The following ALS2CL variants were observed in gnomAD, a reference collection of about 807,000 sequenced individuals.
ALS2CL encodes ALS2 C-terminal-like protein.
Under a neutral mutation model 127.9 loss-of-function variants are expected in ALS2CL, and 112 were observed. The observed-to-expected ratio is 0.88, with a 90% CI of 0.75 to 1.02. The LOEUF is 1.02. Ranked by LOEUF, ALS2CL falls within the 50% of genes least tolerant of loss-of-function variation. ALS2CL has a pLI of 0.00. For missense variants in ALS2CL, 1,174 were observed against 1,236.7 expected (o/e 0.95, Z 0.76); for synonymous variants, 519 against 527.6 (o/e 0.98, Z 0.22).
At chr3:46,675,548 G>A (rs1388082541) in intron 20 of ALS2CL, 70 bp downstream of exon 20, 1 of 1,438,156 alleles carries the variant, frequency 7.0e-7, no homozygotes, top group Non-Finnish European at 9.7e-7. Flanking sequence ...TTCCCCAAGG[G>A]AGGTCCTAGG....
Position 46,683,284 on chromosome 3 carries a change from G to A in ALS2CL, c.955C>T (p.Leu319=). The A allele has an allele frequency of 6.2e-7, 1 of 1,603,650 alleles. No individual in the cohort carries two copies. Among genetic ancestry groups the A allele is most frequent in the Non-Finnish European group, 8.5e-7 (1 of 1,175,010 alleles). ...WKVTWAVHQA[L]HGKKDFPVLG... is the part of the protein sequence containing the mutation. ...ACGGGGAAGTCCTTCTTCCCATGCA[G>A]GGCCTGGTGAACAGCCCAGGTCACC... The change falls in exon 10 of 26, where the codon CTG becomes TTG. Residue 319 remains leucine, a synonymous_variant. Transcript: ENST00000318962.
At position 46,687,648 on chromosome 3, in the gene ALS2CL, C is replaced by G. The variant is rs747559028; in HGVS notation, c.339G>C (p.Gln113His). The change falls in exon 4 of 26, where the codon CAG becomes CAC. Residue 113 changes from glutamine to histidine, a missense_variant. Physicochemically the swap from Gln to His is conservative, Grantham distance 24 (BLOSUM62 0). Coordinates refer to ENST00000318962, the MANE Select transcript of ALS2CL (RefSeq NM_147129.5). ...TCCTCTTTGCTGCCTTCTGGAAGGC[C>G]TGCACCACCATGCAGCTTGTGTAGG... The part of the protein sequence containing the change: ...IESYTSCMVV[Q>H]AFQKAAKRRS... 1 of 1,613,392 alleles carries G rather than the reference C, an allele frequency of 6.2e-7. No homozygotes were observed.
chr3:46,683,174 C>G lies in ALS2CL; in HGVS notation c.1065G>C (p.Gln355His). Residue 355 changes from glutamine to histidine, a missense_variant, in exon 10 of 26, where the codon CAG becomes CAC. Transcript: ENST00000318962. Reference protein sequence around the residue: ...YTFQAEGRLCQATYEGEWCRG... With the variant: ...YTFQAEGRLCHATYEGEWCRG... ...TGCACCACTCGCCCTCGTAGGTGGC[C>G]TGGCAGAGCCGGCCCTCTGCCTGGA... 1.2e-6 allele frequency: 2 copies of G among 1,603,986 alleles called. No homozygotes were observed. The highest frequency in any genetic ancestry group is 1.7e-6 in the Non-Finnish European group (2 of 1,174,884).
Position 46,682,089 on chromosome 3 carries a change from G to T in ALS2CL, c.1115C>A (p.Thr372Asn), listed in dbSNP as rs1179555406. The T allele has an allele frequency of 6.2e-7, 1 of 1,613,900 alleles. No individual in the cohort carries two copies. The stretch of plus-strand genomic sequence containing the variant: ...ATTCCGCCCATCCGGCCATTTCAGG[G>T]TTCCCCTGGAACACAGTGGAGGTTC... ...WCRGRPHGKG[T>N]LKWPDGRNHV... The change falls in exon 11 of 26, where the codon ACC (threonine) becomes AAC (asparagine). Residue 372 changes from threonine to asparagine, a missense_variant. By Grantham distance (65) the Thr-to-Asn change is moderately conservative. Coordinates refer to ENST00000318962, the MANE Select transcript of ALS2CL (RefSeq NM_147129.5).
chr3:46,687,910 C>T (rs930554006), intron 3 of ALS2CL, among the ~76,000 whole-genome samples, 188 bp downstream of exon 3: 19 of 152,210 alleles, frequency 1.2e-4, no homozygotes, highest in African/African-American at 4.6e-4. Flanking sequence ...TCTGGAGTGT[C>T]TGAGCCTGCT....
In ALS2CL at chr3:46,686,963, C is replaced by T; in HGVS notation, c.534+20G>A. 1 of 1,568,656 alleles carries T rather than the reference C, an allele frequency of 6.4e-7. No homozygotes were observed. Among genetic ancestry groups the T allele is most frequent in the Non-Finnish European group, 8.6e-7 (1 of 1,161,282 alleles). The stretch of plus-strand genomic sequence containing the variant: ...TCCCTTCCCTCGGCTTCCCCACATG[C>T]TGCTGCCCCTGGTACCCACCTCCCC... On this transcript the variant is annotated intron_variant, in intron 5 of 25. Transcript: ENST00000318962. The surrounding 1 kb of genome is among the most constrained non-coding windows in gnomAD (Gnocchi z 4.3).
In ALS2CL at chr3:46,681,683, G is replaced by T. The variant is rs1183160546; in HGVS notation, c.1176-85C>A. The T allele has an allele frequency of 2.2e-6, 3 of 1,367,814 alleles. No homozygotes were observed. Among genetic ancestry groups the T allele is most frequent in the Non-Finnish European group, 3.1e-6 (3 of 973,118 alleles). The allele number at this position is 1,367,814 out of a possible 1,614,324, so 84.7% of individuals were successfully genotyped here. ...CTCCATGCCACCCAGGAGTATCCCT[G>T]CCCCCAAGGAGCCTTCCAGACAACA... On this transcript the variant is annotated intron_variant, in intron 11 of 25. Coordinates refer to ENST00000318962, the MANE Select transcript of ALS2CL (RefSeq NM_147129.5). The surrounding 1 kb of genome is among the most constrained non-coding windows in gnomAD (Gnocchi z 4.9).
chr3:46,683,250 GC>G lies in ALS2CL; in HGVS notation c.988del (p.Ala330LeufsTer44), dbSNP rs746210461. The G allele has an allele frequency of 6.2e-7, 1 of 1,611,124 alleles. No homozygotes were observed. Among genetic ancestry groups the G allele is most frequent in the South Asian group, 1.1e-5 (1 of 90,626 alleles). On this transcript the variant is annotated frameshift_variant, in exon 10 of 26. Transcript: ENST00000318962. LOFTEE classifies it high-confidence loss of function. ...GGGAGGCTGGGAGGGCTCCAGGCCAGCCCCCAGCACGGGGAAGTCCTTCTTC... is the reference window on the plus strand; with the variant it reads ...GGGAGGCTGGGAGGGCTCCAGGCCAGCCCCAGCACGGGGAAGTCCTTCTTC... ...HGKKDFPVLG[A>X]GLEPSQPPDC...
At chr3:46,674,510 A>C in intron 21 of ALS2CL, 56 bp downstream of exon 21, 2 of 1,569,580 alleles carry the variant, frequency 1.3e-6, no homozygotes, top group Non-Finnish European at 1.7e-6. Context: ...GGCTGAAGAC[A>C]GTCTGAGTCG....
rs1016780700 is a variant in ALS2CL at position 46,669,438 on chromosome 3, G to C, written c.*1546C>G. 4 of 152,304 alleles carry C rather than the reference G, an allele frequency of 2.6e-5. No individual in the cohort carries two copies. The highest frequency in any genetic ancestry group is 5.9e-5 in the Non-Finnish European group (4 of 68,104). 9.4% of individuals were successfully genotyped at this position (152,304 alleles called of 1,614,324 possible). On this transcript the variant is annotated 3_prime_UTR_variant, in exon 26 of 26. Coordinates refer to ENST00000318962, the MANE Select transcript of ALS2CL (RefSeq NM_147129.5). ...CAAAGGAGGCAGGGAAGTGTGCTGGGGTCCCGTCAGCATCGCATGAACTCA... is the reference window on the plus strand; with the variant it reads ...CAAAGGAGGCAGGGAAGTGTGCTGGCGTCCCGTCAGCATCGCATGAACTCA...
chr3:46,681,977 G>T lies in ALS2CL; in HGVS notation c.1175+52C>A, dbSNP rs1193762115. On this transcript the variant is annotated intron_variant, in intron 11 of 25. Coordinates refer to ENST00000318962, the MANE Select transcript of ALS2CL (RefSeq NM_147129.5). The surrounding 1 kb of genome is among the most constrained non-coding windows in gnomAD (Gnocchi z 4.9). ...CTGGTGACCACAGCAGGGGAGGAAAGCACCCTTCAGCCCACTGCACGCCTC... is the reference window on the plus strand; with the variant it reads ...CTGGTGACCACAGCAGGGGAGGAAATCACCCTTCAGCCCACTGCACGCCTC... 8 of 1,593,338 alleles carry T rather than the reference G, an allele frequency of 5.0e-6. No homozygotes were observed. Among genetic ancestry groups the T allele is most frequent in the Middle Eastern group, 1.6e-4 (1 of 6,062 alleles).
chr3:46,670,234 TC>T lies in ALS2CL; in HGVS notation c.*749del. 1 of 152,162 alleles carries T rather than the reference TC, an allele frequency of 6.6e-6. No individual in the cohort carries two copies. Among genetic ancestry groups the T allele is most frequent in the African/African-American group, 2.4e-5 (1 of 41,480 alleles). 9.4% of individuals were successfully genotyped at this position (152,162 alleles called of 1,614,324 possible). A position where few individuals can be genotyped will look rare whatever the true frequency, so the allele number is the denominator to read the frequency against. ...TAGAACCACTGTTTAAATAAAGTCC[TC>T]CCCTCCCAAAGGTACTCCTGCTCCC... On this transcript the variant is annotated 3_prime_UTR_variant, in exon 26 of 26. Coordinates refer to ENST00000318962, the MANE Select transcript of ALS2CL (RefSeq NM_147129.5). This position sits in a 1 kb window ranked among gnomAD's most constrained non-coding sequence, Gnocchi z 5.5.
At chr3:46,675,406 A>G (rs1698732132) in intron 20 of ALS2CL, 2 of 568,774 alleles carry the variant, frequency 3.5e-6, no homozygotes. Flanking sequence ...GATGCATTCA[A>G]TGCATTGTAG....
chr3:46,680,678 G>A (rs2106717439), intron 13 of ALS2CL, 137 bp from the exon 14 acceptor site: 1 of 713,772 alleles, frequency 1.4e-6, no homozygotes, highest in East Asian at 2.7e-5. Context: ...CAGACACAGT[G>A]CCAGAGAGGT....
intron 20 of ALS2CL, chr3:46,675,033 T>C (rs7433347): frequency 0.69 from 223,436 of 324,104 alleles, 78,904 homozygotes; most frequent in African/African-American, 0.9. Context: ...AACTTGCAGC[T>C]GAGCTCTCAG....
Position 46,681,968 on chromosome 3 carries a change from G to A in ALS2CL, c.1175+61C>T. ...GGGGCCGGGCTGGTGACCACAGCAG[G>A]GGAGGAAAGCACCCTTCAGCCCACT... On this transcript the variant is annotated intron_variant, in intron 11 of 25. Coordinates refer to ENST00000318962, the MANE Select transcript of ALS2CL (RefSeq NM_147129.5). This position sits in a 1 kb window ranked among gnomAD's most constrained non-coding sequence, Gnocchi z 4.9. 1 of 1,575,580 alleles carries A rather than the reference G, an allele frequency of 6.3e-7. No homozygotes were observed. The highest frequency in any genetic ancestry group is 8.7e-7 in the Non-Finnish European group (1 of 1,151,940).
At position 46,683,152 on chromosome 3, in the gene ALS2CL, ACCACTCGCCC is replaced by A; in HGVS notation, c.1077_1086del (p.Glu359AspfsTer12). Reference sequence around the variant, plus strand: ...CACTTGCCGTGGGGCCGGCCCCTGCACCACTCGCCCTCGTAGGTGGCCTGGCAGAGCCGGC... The same window carrying A: ...CACTTGCCGTGGGGCCGGCCCCTGCATCGTAGGTGGCCTGGCAGAGCCGGC... On this transcript the variant is annotated frameshift_variant, in exon 10 of 26. Coordinates refer to ENST00000318962, the MANE Select transcript of ALS2CL (RefSeq NM_147129.5). LOFTEE classifies it high-confidence loss of function. The A allele has an allele frequency of 1.3e-6, 2 of 1,597,566 alleles. No individual in the cohort carries two copies. Among genetic ancestry groups the A allele is most frequent in the South Asian group, 2.3e-5 (2 of 88,838 alleles).
Position 46,686,878 on chromosome 3 carries a change from T to G in ALS2CL, c.534+105A>C, listed in dbSNP as rs1575445627. On this transcript the variant is annotated intron_variant, in intron 5 of 25. Coordinates refer to ENST00000318962, the MANE Select transcript of ALS2CL (RefSeq NM_147129.5). The surrounding 1 kb of genome is among the most constrained non-coding windows in gnomAD (Gnocchi z 4.3). ...TCTCCCACCTGCCGGCATGGCTGAG[T>G]CCTTCTTGTACTAGGGTTCCTGAGT... The G allele has an allele frequency of 7.7e-7, 1 of 1,294,410 alleles. No individual in the cohort carries two copies. The allele number at this position is 1,294,410 out of a possible 1,614,324, so 80.2% of individuals were successfully genotyped here.
chr3:46,693,507 G>A (rs1284779480), intron 1 of ALS2CL, 136 bp downstream of exon 1: 1 of 152,492 alleles, frequency 6.6e-6, no homozygotes, highest in African/African-American at 2.4e-5. Flanking sequence ...CGGACGGCCG[G>A]GGGATGACTG....
Sources: gnomAD v4.1 joint callset for allele counts (sites outside exome capture counted in the v4.1 genomes callset) on GRCh38, gnomAD v4.1.1 for gene constraint, Gnocchi (gnomAD v3.1) non-coding constraint, MANE v1.5 for transcripts, NCBI Gene and HGNC (gene_info 2026-07-23, HGNC 2026-07-21) for gene names.